Variants in TIAM2 observed in about 807,000 individuals in gnomAD.
TIAM2 encodes rho guanine nucleotide exchange factor TIAM2.
TIAM2 carries 80 observed loss-of-function variants against 152.9 expected under a neutral mutation model. That is an observed-to-expected ratio of 0.52 (90% CI 0.44 to 0.63). The LOEUF (loss-of-function observed/expected upper bound fraction) is 0.63. TIAM2 is among the 30% of genes least tolerant of loss of function. The pLI is 0.00. For synonymous variants in TIAM2, 804 were observed against 838.0 expected, an observed-to-expected ratio of 0.96 and a Z score of 0.70; for missense variants, 1,965 against 2,120.1, an observed-to-expected ratio of 0.93 and a Z score of 1.44.
chr6:155,065,078 T>C (rs1777662113), intron 1 of TIAM2, among the ~76,000 whole-genome samples: 1 of 152,112 alleles, frequency 6.6e-6, no homozygotes, highest in Non-Finnish European at 1.5e-5. Flanking sequence ...CTCAGCTTCC[T>C]GAGTAGCTGG....
intron 2 of TIAM2, among the ~76,000 whole-genome samples, chr6:155,105,278 G>GT (rs1452083026): frequency 6.6e-6 from 1 of 152,124 alleles, no homozygotes; most frequent in Non-Finnish European, 1.5e-5. Flanking sequence ...AGCCTCATGA[G>GT]TAGGTGAGAC....
intron 1 of TIAM2, among the ~76,000 whole-genome samples, chr6:155,045,340 G>A (rs748839493): frequency 2.6e-5 from 4 of 152,004 alleles, no homozygotes; most frequent in Non-Finnish European, 5.9e-5. Context: ...GGGATTACAG[G>A]TGTGAGCCAC....
chr6:155,221,615 C>T (rs1782048758), intron 15 of TIAM2, among the ~76,000 whole-genome samples: 1 of 152,156 alleles, frequency 6.6e-6, no homozygotes, highest in Admixed American at 6.5e-5. Flanking sequence ...TCAGCCAGCT[C>T]CCTGCAACTT....
intron 1 of TIAM2, among the ~76,000 whole-genome samples, chr6:155,046,750 C>G: frequency 6.6e-6 from 1 of 152,098 alleles, no homozygotes; most frequent in East Asian, 1.9e-4. Flanking sequence ...CCTCCTGATC[C>G]CTCTGTGCCT....
chr6:155,126,935 C>T (rs1488551823), intron 2 of TIAM2, among the ~76,000 whole-genome samples: 1 of 152,098 alleles, frequency 6.6e-6, no homozygotes, highest in African/African-American at 2.4e-5. Context: ...TCAGCCAGTC[C>T]TCCTCCCTTT....
chr6:155,094,921 G>A (rs1156766304), intron 2 of TIAM2, among the ~76,000 whole-genome samples: 1 of 151,868 alleles, frequency 6.6e-6, no homozygotes, highest in Non-Finnish European at 1.5e-5. Flanking sequence ...GTATCTGAGT[G>A]TGACCCCTAA....
At chr6:155,205,064 T>A (rs1398171856) in intron 14 of TIAM2, among the ~76,000 whole-genome samples, 7 of 151,986 alleles carry the variant, frequency 4.6e-5, no homozygotes, top group Admixed American at 4.6e-4. Context: ...AGAGCCCTCA[T>A]GACCTAAACA....
chr6:155,026,950 C>T (rs777450710), intron 1 of TIAM2, among the ~76,000 whole-genome samples: 2 of 152,120 alleles, frequency 1.3e-5, no homozygotes, highest in African/African-American at 4.8e-5. Context: ...ACTTGAAATG[C>T]CACCTTTATG....
intron 1 of TIAM2, among the ~76,000 whole-genome samples, chr6:155,002,789 T>A (rs974359786): frequency 1.1e-4 from 16 of 151,734 alleles, no homozygotes; most frequent in African/African-American, 3.9e-4. Context: ...CGAGCAGTTC[T>A]CCTGGCTTAG....
At chr6:155,171,091 A>G (rs914842816) in intron 9 of TIAM2, among the ~76,000 whole-genome samples, 2 of 152,210 alleles carry the variant, frequency 1.3e-5, no homozygotes, top group Admixed American at 6.5e-5. Flanking sequence ...ATTTTTATAC[A>G]ATAAGTACAT....
At chr6:155,027,449 CTG>C (rs1329773171) in intron 1 of TIAM2, among the ~76,000 whole-genome samples, 7 of 81,230 alleles carry the variant, frequency 8.6e-5, no homozygotes, top group Admixed American at 1.6e-4. Context: ...AATATATATA[CTG>C]TGTTACATAT....
intron 2 of TIAM2, among the ~76,000 whole-genome samples, chr6:155,110,200 G>A (rs7772689): frequency 0.31 from 47,153 of 151,380 alleles, 7,881 homozygotes; most frequent in Admixed American, 0.41. Context: ...TGATCCGCCC[G>A]CCTTGAACTC....
chr6:155,140,243 T>C (rs1471158830), intron 5 of TIAM2, among the ~76,000 whole-genome samples: 4 of 152,180 alleles, frequency 2.6e-5, no homozygotes, highest in South Asian at 4.1e-4. Context: ...AAATGAGAAA[T>C]TGATCCTTGA....
At position 155,006,834 on chromosome 6, in the gene TIAM2, G is replaced by A. The variant is rs550086969; in HGVS notation, c.-209+11342G>A. Among the ~76,000 whole-genome samples, 84 of 152,024 alleles carry A rather than the reference G, an allele frequency of 5.5e-4. 1 individual carries two copies. The highest frequency in any genetic ancestry group is 2.0e-3 in the African/African-American group (84 of 41,494). ...CTCCTGAGTAGCTGGGATTACAAGTGCCCACCACCACACCCAGCTAATTTT... is the reference window on the plus strand; with the variant it reads ...CTCCTGAGTAGCTGGGATTACAAGTACCCACCACCACACCCAGCTAATTTT... On this transcript the variant is annotated intron_variant, in intron 1 of 26. Coordinates refer to ENST00000682666, the MANE Select transcript of TIAM2 (RefSeq NM_012454.4).
At chr6:155,195,413 G>C (rs942834091) in intron 14 of TIAM2, among the ~76,000 whole-genome samples, 1 of 152,108 alleles carries the variant, frequency 6.6e-6, no homozygotes, top group African/African-American at 2.4e-5. Flanking sequence ...GTGATCTCTG[G>C]AGAAAAATAT....
intron 1 of TIAM2, among the ~76,000 whole-genome samples, chr6:155,039,654 G>A (rs2114904334): frequency 6.8e-6 from 1 of 147,326 alleles, no homozygotes; most frequent in South Asian, 2.2e-4. Context: ...TTGGTGGGGG[G>A]GCTCTTAAAA....
intron 15 of TIAM2, among the ~76,000 whole-genome samples, chr6:155,227,779 C>G (rs1201976814): frequency 6.6e-6 from 1 of 152,144 alleles, no homozygotes; most frequent in Admixed American, 6.5e-5. Context: ...ATATAGAGAT[C>G]CAAGGCTTAT....
intron 1 of TIAM2, among the ~76,000 whole-genome samples, chr6:155,035,382 G>A (rs548318065): frequency 6.6e-6 from 1 of 151,824 alleles, no homozygotes; most frequent in South Asian, 2.1e-4. Context: ...CCACCATACC[G>A]GCTAATTTTT....
At chr6:155,130,899 C>A (rs1583206280) in intron 4 of TIAM2, among the ~76,000 whole-genome samples, 1 of 152,296 alleles carries the variant, frequency 6.6e-6, no homozygotes, top group African/African-American at 2.4e-5. Context: ...ACCCTCATGA[C>A]CCCCTCTAAA....
Sources: allele counts gnomAD v4.1 joint callset (sites outside exome capture counted in the v4.1 genomes callset), GRCh38; gene constraint gnomAD v4.1.1; transcripts MANE v1.5; gene names NCBI Gene and HGNC (gene_info 2026-07-23, HGNC 2026-07-21).